MYH3: variants seen among roughly 807,000 people sequenced by gnomAD.
The protein encoded by MYH3 is myosin-3.
MYH3 carries 130 observed loss-of-function variants against 238.0 expected under a neutral mutation model. The ratio of observed to expected loss-of-function variants is 0.55; its 90% CI spans 0.47 to 0.63. MYH3 has a LOEUF of 0.63. Among genes scored for constraint, MYH3 ranks in the 30% least tolerant of loss-of-function variants. MYH3 has a pLI of 0.00. For missense variants in MYH3, 1,853 were observed against 2,374.9 expected (o/e 0.78, Z 4.57); for synonymous variants, 880 against 924.1 (o/e 0.95, Z 0.86).
chr17:10,632,444 G>C, intron 34 of MYH3, 32 bp downstream of exon 34: 1 of 1,604,802 alleles, frequency 6.2e-7, no homozygotes, highest in Non-Finnish European at 8.5e-7. Flanking sequence ...GTGAGGAGGA[G>C]AGAGGTTTTT....
chr17:10,641,263 A>T, intron 18 of MYH3, 22 bp downstream of exon 18: 1 of 1,608,622 alleles, frequency 6.2e-7, no homozygotes, highest in South Asian at 1.1e-5. Flanking sequence ...AGCACCACCT[A>T]GCGAGCCAGC....
Position 10,638,971 on chromosome 17 carries a change from G to T in MYH3, c.3249-8C>A. Reference sequence around the variant, plus strand: ...CAATATTCAAAATCTTTCCTGTGAAGAGAAATGTAGAATGCATGAAGACAA... The same window carrying T: ...CAATATTCAAAATCTTTCCTGTGAATAGAAATGTAGAATGCATGAAGACAA... On this transcript the variant is annotated splice_region_variant and splice_polypyrimidine_tract_variant and intron_variant, in intron 25 of 40. Transcript: ENST00000583535. 6.2e-7 allele frequency: 1 copy of T among 1,614,142 alleles called. No individual in the cohort carries two copies. The highest frequency in any genetic ancestry group is 8.5e-7 in the Non-Finnish European group (1 of 1,179,994).
At chr17:10,635,713 A>C (rs775528633) in intron 29 of MYH3, 22 bp downstream of exon 29, 2 of 1,612,388 alleles carry the variant, frequency 1.2e-6, no homozygotes, top group Non-Finnish European at 1.7e-6. Context: ...AAGGGCAAAG[A>C]AGTCTTCCTT....
intron 19 of MYH3, 123 bp from the exon 20 acceptor site, chr17:10,640,809 G>C: frequency 7.8e-7 from 1 of 1,274,010 alleles, no homozygotes; most frequent in East Asian, 2.5e-5. Flanking sequence ...GAGGGAACTA[G>C]CTCGGAGTCA....
At chr17:10,649,043 G>GCCCTGATAAAGCCCCACCCT (rs2074350502) in intron 7 of MYH3, among the ~76,000 whole-genome samples, 1 of 152,074 alleles carries the variant, frequency 6.6e-6, no homozygotes, top group African/African-American at 2.4e-5. Flanking sequence ...ACTCTGGCTT[G>GCCCTGATAAAGCCCCACCCT]CCCTGATAAA....
intron 3 of MYH3, among the ~76,000 whole-genome samples, chr17:10,653,211 C>T (rs2074395914): frequency 6.6e-6 from 1 of 152,122 alleles, no homozygotes; most frequent in African/African-American, 2.4e-5. Context: ...CCTTTCAGCT[C>T]AGTCAGTAAC....
chr17:10,668,621 A>G, the MYH3 span, among the ~76,000 whole-genome samples: 5 of 152,192 alleles, frequency 3.3e-5, no homozygotes, highest in African/African-American at 1.2e-4. Context: ...ATACTCACGG[A>G]ATTTGTTAAT....
the MYH3 span, among the ~76,000 whole-genome samples, chr17:10,669,578 A>C: frequency 1.3e-5 from 2 of 151,816 alleles, no homozygotes; most frequent in African/African-American, 4.8e-5. Flanking sequence ...AAAAAAAAAA[A>C]AAAAAAGAGG....
Position 10,650,382 on chromosome 17 carries a change from A to G in MYH3, c.525T>C (p.Ile175=), listed in dbSNP as rs2074363436. 1 of 1,612,610 alleles carries G rather than the reference A, an allele frequency of 6.2e-7. No homozygotes were observed. The highest frequency in any genetic ancestry group is 1.3e-5 in the African/African-American group (1 of 74,860). The change falls in exon 6 of 41, where the codon ATT becomes ATC. Residue 175 remains isoleucine (I), a synonymous_variant. Transcript: ENST00000583535. ...FMLTDRENQS[I]LITGESGAGK... Reference sequence around the variant, plus strand: ...ATGCCATGGATACTTACGTGATCAGAATGGACTGGTTTTCACGATCTGCCA... The same window carrying G: ...ATGCCATGGATACTTACGTGATCAGGATGGACTGGTTTTCACGATCTGCCA...
the MYH3 span, among the ~76,000 whole-genome samples, chr17:10,668,391 C>G: frequency 6.6e-6 from 1 of 152,142 alleles, no homozygotes; most frequent in Non-Finnish European, 1.5e-5. Context: ...GGAGACTCTT[C>G]TATCTATCTA....
Position 10,654,735 on chromosome 17 carries a change from A to G in MYH3, c.204+126T>C. 1.1e-6 allele frequency: 1 copy of G among 902,094 alleles called. No homozygotes were observed. The highest frequency in any genetic ancestry group is 1.7e-5 in the Admixed American group (1 of 58,598). 55.9% of individuals were successfully genotyped at this position (902,094 alleles called of 1,614,324 possible). A position where few individuals can be genotyped will look rare whatever the true frequency, so the allele number is the denominator to read the frequency against. ...GGATACCTGGGAAGCCCCAGGCTAC[A>G]TTGTATGCGGCATTCCAGTGCTGGA... On this transcript the variant is annotated intron_variant, in intron 3 of 40. Transcript: ENST00000583535. This position sits in a 1 kb window ranked among gnomAD's most constrained non-coding sequence, Gnocchi z 4.5.
upstream of MYH3, among the ~76,000 whole-genome samples, chr17:10,660,138 CG>C (rs556617348): frequency 1.8e-4 from 28 of 152,310 alleles, no homozygotes; most frequent in Admixed American, 1.8e-3. Context: ...CTCTGTAAAA[CG>C]GGGGTGACAT....
At chr17:10,643,979 G>A (rs533084747) in intron 14 of MYH3, among the ~76,000 whole-genome samples, 1 of 152,066 alleles carries the variant, frequency 6.6e-6, no homozygotes, top group South Asian at 2.1e-4. Flanking sequence ...AGCCAACATG[G>A]TGAAACCCCA....
rs1251798673 is a variant in MYH3 at position 10,632,462 on chromosome 17, G to A, written c.4956+14C>T. 7.4e-6 allele frequency: 12 copies of A among 1,611,744 alleles called. No homozygotes were observed. In the South Asian group the frequency reaches 1.2e-4, roughly 16 times the overall value. On this transcript the variant is annotated intron_variant, in intron 34 of 40. Transcript: ENST00000583535. ...AGGAGGAGAGAGGTTTTTCCCCGAT[G>A]GGTTCTCTCAAACCTTCAGCTGTCC...
At chr17:10,669,350 C>A in the MYH3 span, among the ~76,000 whole-genome samples, 29 of 152,130 alleles carry the variant, frequency 1.9e-4, no homozygotes, top group East Asian at 4.4e-3. Context: ...GTCAGGAGTT[C>A]GAGACCAGCC....
At chr17:10,653,966 A>AT (rs958159989) in intron 3 of MYH3, among the ~76,000 whole-genome samples, 1 of 151,702 alleles carries the variant, frequency 6.6e-6, no homozygotes, top group Non-Finnish European at 1.5e-5. Flanking sequence ...GGCGGTTCTT[A>AT]TTTTTTGGGG....
chr17:10,669,274 C>T, the MYH3 span, among the ~76,000 whole-genome samples: 47 of 152,200 alleles, frequency 3.1e-4, no homozygotes, highest in African/African-American at 9.2e-4. Context: ...GAGTTGAGGC[C>T]GGGTGCGGTG....
chr17:10,632,116 G>C, intron 34 of MYH3, 100 bp from the exon 35 acceptor site: 2 of 131,518 alleles, frequency 1.5e-5, no homozygotes, highest in Non-Finnish European at 3.2e-5. Flanking sequence ...GTTTGTTTTT[G>C]TTTTGTTTTG....
intron 12 of MYH3, among the ~76,000 whole-genome samples, chr17:10,645,043 C>CT (rs994710359): frequency 8.8e-5 from 8 of 90,888 alleles, no homozygotes; most frequent in Non-Finnish European, 2.1e-4. Context: ...CGCTTCCATC[C>CT]ATTTTTTTTT....
Sources: allele counts gnomAD v4.1 joint callset (sites outside exome capture counted in the v4.1 genomes callset), GRCh38; gene constraint gnomAD v4.1.1; non-coding constraint Gnocchi (gnomAD v3.1); transcripts MANE v1.5; gene names NCBI Gene and HGNC (gene_info 2026-07-23, HGNC 2026-07-21).